The following ADHFE1 variants were observed in gnomAD, a reference collection of about 807,000 sequenced individuals.
ADHFE1 encodes hydroxyacid-oxoacid transhydrogenase, mitochondrial.
ADHFE1 carries 37 observed loss-of-function variants against 54.8 expected under a neutral mutation model. The observed-to-expected ratio is 0.68, with a 90% CI of 0.52 to 0.89. The LOEUF (loss-of-function observed/expected upper bound fraction) is 0.89, where lower values mean the gene tolerates loss of function less well. Among genes scored for constraint, ADHFE1 ranks in the 40% least tolerant of loss-of-function variants. The pLI is 0.00. For synonymous variants in ADHFE1, 203 were observed against 229.3 expected (o/e 0.89, Z 1.04); for missense variants, 601 against 591.2 (o/e 1.02, Z -0.17).
At chr8:66,454,254 C>A in intron 10 of ADHFE1, 97 bp downstream of exon 10, 1 of 1,190,566 alleles carries the variant, frequency 8.4e-7, no homozygotes, top group Non-Finnish European at 1.2e-6. Flanking sequence ...TTTAAATATG[C>A]TATAGAAGGA....
chr8:66,452,169 A>G, intron 9 of ADHFE1, 64 bp downstream of exon 9: 7 of 1,577,254 alleles, frequency 4.4e-6, no homozygotes, highest in South Asian at 2.3e-5. Context: ...CACGTGAAAC[A>G]TGACATGCCT....
rs765214499 is a variant in ADHFE1, at chr8:66,456,735, C to T, written c.987-82C>T. ...GATACTGTCTAGAGGCCGTGACAGGCATCCCCATAAGAGTATCTTTCTATT... is the reference window on the plus strand; with the variant it reads ...GATACTGTCTAGAGGCCGTGACAGGTATCCCCATAAGAGTATCTTTCTATT... On this transcript the variant is annotated intron_variant, in intron 10 of 13. Coordinates refer to ENST00000396623, the MANE Select transcript of ADHFE1 (RefSeq NM_144650.3). The T allele has an allele frequency of 4.9e-6, 5 of 1,024,370 alleles. No individual in the cohort carries two copies. In the Admixed American group the frequency reaches 9.7e-5, roughly 20 times the overall value. 63.5% of individuals were successfully genotyped at this position (1,024,370 alleles called of 1,614,324 possible).
At chr8:66,434,225 G>T (rs1299732864) in intron 1 of ADHFE1, among the ~76,000 whole-genome samples, 1 of 152,208 alleles carries the variant, frequency 6.6e-6, no homozygotes, top group African/African-American at 2.4e-5. Context: ...ATTTACCAAG[G>T]CAGGGATTGT....
chr8:66,448,943 T>A lies in ADHFE1; in HGVS notation c.707T>A (p.Val236Asp). Residue 236 changes from valine to aspartate, a missense_variant, in exon 8 of 14, where the codon GTC becomes GAC. Transcript: ENST00000396623. ...LHTLHMPARV[V>D]ANSGFDVLCH... The stretch of plus-strand genomic sequence containing the variant: ...ACCCTCCACATGCCTGCCCGAGTGG[T>A]CGCCAACAGTGGCTTTGATGTGCTT... 6.2e-7 allele frequency: 1 copy of A among 1,614,118 alleles called. No homozygotes were observed. Among genetic ancestry groups the A allele is most frequent in the South Asian group, 1.1e-5 (1 of 91,084 alleles).
intron 13 of ADHFE1, among the ~76,000 whole-genome samples, chr8:66,467,289 C>G (rs1371284955): frequency 6.6e-6 from 1 of 152,110 alleles, no homozygotes; most frequent in African/African-American, 2.4e-5. Context: ...TGGGTTTTGC[C>G]TGAGCTACTG....
chr8:66,445,015 C>T (rs565367172), intron 5 of ADHFE1, among the ~76,000 whole-genome samples: 19 of 152,084 alleles, frequency 1.2e-4, no homozygotes, highest in African/African-American at 2.9e-4. Flanking sequence ...GTGGGAGAAT[C>T]GCTTGAACCC....
At chr8:66,433,984 G>A (rs891387457) in intron 1 of ADHFE1, among the ~76,000 whole-genome samples, 1 of 152,236 alleles carries the variant, frequency 6.6e-6, no homozygotes, top group Admixed American at 6.5e-5. Context: ...TGAAAAGGGA[G>A]TATGGCATAA....
At chr8:66,445,561 A>G in intron 6 of ADHFE1, 147 bp downstream of exon 6, 1 of 794,142 alleles carries the variant, frequency 1.3e-6, no homozygotes, top group Middle Eastern at 3.9e-4. Context: ...GAGAACAATC[A>G]TTCATTTTAA....
intron 9 of ADHFE1, chr8:66,453,853 C>T (rs1486638249): frequency 1.3e-6 from 2 of 1,498,802 alleles, no homozygotes; most frequent in Non-Finnish European, 1.8e-6. Context: ...ATTTATTATG[C>T]CTTTGCTGAA....
chr8:66,439,393 C>T lies in ADHFE1; in HGVS notation c.60-769C>T, dbSNP rs1805630101. On this transcript the variant is annotated intron_variant, in intron 1 of 13. Coordinates refer to ENST00000396623, the MANE Select transcript of ADHFE1 (RefSeq NM_144650.3). The surrounding 1 kb of genome is among the most constrained non-coding windows in gnomAD (Gnocchi z 4.4). ...GGAGAAAGAGAAGCCAGAGGAGAGACTGGGACTGTCCAGGAAATAGGAGAC... is the reference window on the plus strand; with the variant it reads ...GGAGAAAGAGAAGCCAGAGGAGAGATTGGGACTGTCCAGGAAATAGGAGAC... 1.0e-6 allele frequency: 1 copy of T among 985,806 alleles called. No homozygotes were observed. Among genetic ancestry groups the T allele is most frequent in the South Asian group, 4.7e-5 (1 of 21,286 alleles). 61.1% of individuals were successfully genotyped at this position (985,806 alleles called of 1,614,324 possible).
intron 13 of ADHFE1, among the ~76,000 whole-genome samples, chr8:66,463,692 C>T (rs139301346): frequency 1.3e-5 from 2 of 152,254 alleles, no homozygotes; most frequent in East Asian, 3.9e-4. Flanking sequence ...GACTAATCTT[C>T]GCTTATTAGT....
intron 13 of ADHFE1, among the ~76,000 whole-genome samples, chr8:66,466,584 C>T (rs564056862): frequency 2.1e-5 from 3 of 143,442 alleles, no homozygotes; most frequent in Admixed American, 7.1e-5. Flanking sequence ...ATGCATTGTA[C>T]GGTATACTAA....
At chr8:66,459,672 C>T (rs1404678929) in intron 12 of ADHFE1, 1 of 152,028 alleles carries the variant, frequency 6.6e-6, no homozygotes, top group Non-Finnish European at 1.5e-5. Context: ...GTTCTTTGGT[C>T]CTGCCCAGCT....
intron 13 of ADHFE1, among the ~76,000 whole-genome samples, chr8:66,466,451 T>C (rs1807192349): frequency 1.3e-5 from 2 of 152,158 alleles, no homozygotes; most frequent in African/African-American, 4.8e-5. Context: ...ATTATTCTTC[T>C]AAGAGTTTTA....
Position 66,455,218 on chromosome 8 carries a change from C to T in ADHFE1, c.986+1061C>T, listed in dbSNP as rs114917288. Among the ~76,000 whole-genome samples, 1,289 of 152,290 alleles carry T rather than the reference C, an allele frequency of 8.5e-3. 19 individuals carry two copies. The highest frequency in any genetic ancestry group is 0.03 in the African/African-American group (1,233 of 41,566). Reference sequence around the variant, plus strand: ...TAAGATACTGACAGACTGTTTTCCACGGCATCTGCGCTGTTTTACATTCCC... The same window carrying T: ...TAAGATACTGACAGACTGTTTTCCATGGCATCTGCGCTGTTTTACATTCCC... On this transcript the variant is annotated intron_variant, in intron 10 of 13. Coordinates refer to ENST00000396623, the MANE Select transcript of ADHFE1 (RefSeq NM_144650.3).
Position 66,439,211 on chromosome 8 carries a change from TC to T in ADHFE1, c.60-946del, listed in dbSNP as rs1459663543. On this transcript the variant is annotated intron_variant, in intron 1 of 13. Transcript: ENST00000396623. The surrounding 1 kb of genome is among the most constrained non-coding windows in gnomAD (Gnocchi z 4.4). Reference sequence around the variant, plus strand: ...AACCCTTTTCCTTCCTCCCCAACCTTCCCCCTCGGGTGTTTTAATTCCAGAT... The same window carrying T: ...AACCCTTTTCCTTCCTCCCCAACCTTCCCCTCGGGTGTTTTAATTCCAGAT... 1 of 985,120 alleles carries T rather than the reference TC, an allele frequency of 1.0e-6. No homozygotes were observed. The highest frequency in any genetic ancestry group is 1.7e-5 in the African/African-American group (1 of 57,148). The allele number at this position is 985,120 out of a possible 1,614,324, so 61.0% of individuals were successfully genotyped here. A position where few individuals can be genotyped will look rare whatever the true frequency, so the allele number is the denominator to read the frequency against.
At chr8:66,464,339 C>T (rs1179731769) in intron 13 of ADHFE1, among the ~76,000 whole-genome samples, 1 of 152,202 alleles carries the variant, frequency 6.6e-6, no homozygotes, top group Non-Finnish European at 1.5e-5. Context: ...AGAAACTCAG[C>T]TCAGGCTTGG....
intron 6 of ADHFE1, among the ~76,000 whole-genome samples, chr8:66,446,485 T>G (rs973177647): frequency 6.6e-6 from 1 of 152,240 alleles, no homozygotes; most frequent in Non-Finnish European, 1.5e-5. Flanking sequence ...CAGAGCTCAC[T>G]GCTATTAATA....
chr8:66,461,050 A>C (rs962098737), intron 13 of ADHFE1, among the ~76,000 whole-genome samples: 2 of 152,244 alleles, frequency 1.3e-5, no homozygotes, highest in East Asian at 3.8e-4. Context: ...ATTCGGTAGA[A>C]TCATACTAGG....
Sources: gnomAD v4.1 joint callset for allele counts (sites outside exome capture counted in the v4.1 genomes callset) on GRCh38, gnomAD v4.1.1 for gene constraint, Gnocchi (gnomAD v3.1) non-coding constraint, MANE v1.5 for transcripts, NCBI Gene and HGNC (gene_info 2026-07-23, HGNC 2026-07-21) for gene names.